CACNA1A: variants seen among roughly 807,000 people sequenced by gnomAD.
CACNA1A encodes calcium voltage-gated channel subunit alpha1 A, also known as voltage-dependent P/Q-type calcium channel subunit alpha-1A.
Under a neutral mutation model 262.4 loss-of-function variants are expected in CACNA1A, and 57 were observed. The observed-to-expected ratio is 0.22, with a 90% CI of 0.18 to 0.27. The LOEUF (loss-of-function observed/expected upper bound fraction) is 0.27, where lower values mean the gene tolerates loss of function less well. CACNA1A is among the 10% of genes least tolerant of loss of function. The probability of loss-of-function intolerance (pLI) is 1.00; values close to 1 mark genes in which losing one functional copy is unlikely to be tolerated. For synonymous variants in CACNA1A, 1,431 were observed against 1,419.3 expected (o/e 1.01, Z -0.18); for missense variants, 2,526 against 3,562.8 (o/e 0.71, Z 7.41).
chr19:13,492,270 G>C (rs1303926015), intron 1 of CACNA1A, among the ~76,000 whole-genome samples: 1 of 152,096 alleles, frequency 6.6e-6, no homozygotes, highest in East Asian at 1.9e-4. Context: ...AGAAAACAGA[G>C]GAAAGGATAT....
intron 3 of CACNA1A, among the ~76,000 whole-genome samples, chr19:13,409,168 T>C (rs2060065265): frequency 6.6e-6 from 1 of 152,148 alleles, no homozygotes; most frequent in Non-Finnish European, 1.5e-5. Flanking sequence ...CTTTGGAACT[T>C]TGCTTTCCCG....
At chr19:13,310,212 T>C (rs1386841197) in intron 12 of CACNA1A, among the ~76,000 whole-genome samples, 1 of 151,650 alleles carries the variant, frequency 6.6e-6, no homozygotes, top group Non-Finnish European at 1.5e-5. Flanking sequence ...TCCCAGCACT[T>C]TGGGAGGCCA....
At chr19:13,274,896 T>C (rs886900105) in intron 24 of CACNA1A, 2 of 151,832 alleles carry the variant, frequency 1.3e-5, no homozygotes, top group Non-Finnish European at 2.9e-5. Flanking sequence ...TCAGGGACCA[T>C]GTAAGAATGG....
chr19:13,353,729 C>T (rs1347158349), intron 6 of CACNA1A, among the ~76,000 whole-genome samples: 11 of 152,170 alleles, frequency 7.2e-5, no homozygotes, highest in Admixed American at 2.0e-4. Context: ...AATACAAAAT[C>T]TGGAAGGGAA....
chr19:13,256,363 T>C (rs554668533), intron 28 of CACNA1A: 3 of 152,120 alleles, frequency 2.0e-5, no homozygotes, highest in Non-Finnish European at 4.4e-5. Context: ...GAAGGAGGAA[T>C]AGTGGTTATT....
chr19:13,215,597 T>C (rs1180548426), intron 38 of CACNA1A, among the ~76,000 whole-genome samples: 2 of 147,864 alleles, frequency 1.4e-5, no homozygotes, highest in East Asian at 2.0e-4. Flanking sequence ...GGCGATTACA[T>C]GCGTGAGCCA....
intron 30 of CACNA1A, among the ~76,000 whole-genome samples, chr19:13,247,853 C>G (rs2056290957): frequency 6.6e-6 from 1 of 152,172 alleles, no homozygotes; most frequent in Non-Finnish European, 1.5e-5. Context: ...CAGGGTCTCT[C>G]TGTGGCTGCA....
intron 4 of CACNA1A, chr19:13,365,919 C>T (rs566873566): frequency 6.5e-6 from 1 of 153,218 alleles, no homozygotes; most frequent in East Asian, 1.9e-4. Context: ...ACTCAAACTC[C>T]TCAGCCTCCT....
intron 24 of CACNA1A, chr19:13,274,647 C>G (rs2144827464): frequency 6.6e-6 from 1 of 152,358 alleles, no homozygotes; most frequent in South Asian, 2.1e-4. Context: ...GCTATCAGGG[C>G]CCTAAGGGCT....
rs1568424111 is a variant in CACNA1A, at chr19:13,212,677, C to T, written c.6004G>A (p.Gly2002Ser). Residue 2002 changes from glycine (G) to serine (S), a missense_variant, in exon 41 of 47, where the codon GGC (glycine) becomes AGC (serine). Physicochemically the swap from Gly to Ser is moderately conservative, Grantham distance 56. This residue lies in a region of CACNA1A where 929 missense variants were observed against 868.1 expected (regional missense o/e 1.07). Transcript: ENST00000360228. This position sits in a 1 kb window ranked among gnomAD's most constrained non-coding sequence, Gnocchi z 5.6. ...PPSPTQEGGP[G>S]QNALPSTQLD... ...TGGGTGGAGGGGAGGGCGTTCTGGCCAGGTCCCCCTTCCTGCGTTGGGGAC... is the reference window on the plus strand; with the variant it reads ...TGGGTGGAGGGGAGGGCGTTCTGGCTAGGTCCCCCTTCCTGCGTTGGGGAC... The T allele has an allele frequency of 7.3e-6, 11 of 1,513,254 alleles. No individual in the cohort carries two copies. The highest frequency in any genetic ancestry group is 9.7e-6 in the Non-Finnish European group (11 of 1,131,470). The allele number at this position is 1,513,254 out of a possible 1,614,324, so 93.7% of individuals were successfully genotyped here. A position where few individuals can be genotyped will look rare whatever the true frequency, so the allele number is the denominator to read the frequency against.
Position 13,210,661 on chromosome 19 carries a change from G to A in CACNA1A, c.6304-9C>T. 6.4e-7 allele frequency: 1 copy of A among 1,561,692 alleles called. No homozygotes were observed. The highest frequency in any genetic ancestry group is 8.7e-7 in the Non-Finnish European group (1 of 1,154,054). On this transcript the variant is annotated splice_polypyrimidine_tract_variant and intron_variant, in intron 43 of 46. Coordinates refer to ENST00000360228, the MANE Select transcript of CACNA1A (RefSeq NM_001127222.2). ...GGCCGGCCCCTTCTCCTCTGTCACA[G>A]CCCCATGGGATGGTGCACACAGAAA...
intron 36 of CACNA1A, chr19:13,229,827 C>G (rs1248520426): frequency 7.8e-6 from 3 of 385,396 alleles, no homozygotes; most frequent in African/African-American, 6.1e-5. Context: ...GAGGGCTCTT[C>G]AGGACATCTC....
intron 27 of CACNA1A, 46 bp from the exon 28 acceptor site, chr19:13,257,597 G>C (rs1476332790): frequency 7.4e-7 from 1 of 1,343,848 alleles, no homozygotes; most frequent in Non-Finnish European, 1.0e-6. Flanking sequence ...GAAGGAGAGA[G>C]ACAGGGACCC....
intron 1 of CACNA1A, among the ~76,000 whole-genome samples, chr19:13,474,551 G>T (rs1039351233): frequency 1.3e-5 from 2 of 152,218 alleles, no homozygotes; most frequent in Non-Finnish European, 2.9e-5. Context: ...AGGTGTGGTG[G>T]CTTACGCCTG....
intron 38 of CACNA1A, among the ~76,000 whole-genome samples, chr19:13,218,953 C>T (rs1024853771): frequency 1.3e-5 from 2 of 151,944 alleles, no homozygotes; most frequent in Non-Finnish European, 2.9e-5. Flanking sequence ...AGGCTGGTCT[C>T]AAACTTGTGA....
Position 13,241,247 on chromosome 19 carries a change from A to G in CACNA1A, c.4950+3935T>C, listed in dbSNP as rs909907448. On this transcript the variant is annotated intron_variant, in intron 31 of 46. Coordinates refer to ENST00000360228, the MANE Select transcript of CACNA1A (RefSeq NM_001127222.2). The surrounding 1 kb of genome is among the most constrained non-coding windows in gnomAD (Gnocchi z 4.0). ...GGCAAGAGAGAGGTGCTGCGCTGGG[A>G]AAACCCATCCCTTTCTCTGCAAAAG... Among the ~76,000 whole-genome samples the G allele has an allele frequency of 6.6e-6, 1 of 152,106 alleles. No homozygotes were observed. The highest frequency in any genetic ancestry group is 1.5e-5 in the Non-Finnish European group (1 of 68,022).
Position 13,347,579 on chromosome 19 carries a change from G to C in CACNA1A, c.979-11670C>G, listed in dbSNP as rs192548207. Reference sequence around the variant, plus strand: ...CATTCACTTACGCGCTTTATCTGTCGTTACTTTCACGCTACAGGAGCAGAT... The same window carrying C: ...CATTCACTTACGCGCTTTATCTGTCCTTACTTTCACGCTACAGGAGCAGAT... On this transcript the variant is annotated intron_variant, in intron 6 of 46. Transcript: ENST00000360228. Among the ~76,000 whole-genome samples the C allele has an allele frequency of 1.8e-4, 28 of 152,224 alleles. No homozygotes were observed. The Middle Eastern group carries it at 0.01, about 55-fold the overall frequency.
Position 13,359,720 on chromosome 19 carries a change from C to T in CACNA1A, c.864G>A (p.Gln288=), listed in dbSNP as rs770448965. The change falls in exon 6 of 47, where the codon CAG becomes CAA. Residue 288 remains glutamine (Q), a synonymous_variant. Coordinates refer to ENST00000360228, the MANE Select transcript of CACNA1A (RefSeq NM_001127222.2). ...ARTCPNGTKC[Q]PYWEGPNNGI... is the part of the protein sequence containing the mutation. ...CGTTGTTGGGCCCTTCCCAGTAGGG[C>T]TGACATTTGGTCCCATTGGGGCAGG... The T allele has an allele frequency of 4.2e-5, 67 of 1,586,180 alleles. No homozygotes were observed. The highest frequency in any genetic ancestry group is 5.6e-5 in the Non-Finnish European group (65 of 1,165,992).
chr19:13,379,878 C>T (rs536424299), intron 3 of CACNA1A, among the ~76,000 whole-genome samples: 39 of 100,184 alleles, frequency 3.9e-4, no homozygotes, highest in African/African-American at 1.3e-3. Context: ...GAGCAGAGAT[C>T]GCGCCACTGC....
Sources: allele counts gnomAD v4.1 joint callset (sites outside exome capture counted in the v4.1 genomes callset), GRCh38; gene constraint gnomAD v4.1.1; regional missense constraint gnomAD v4.1.1; non-coding constraint Gnocchi (gnomAD v3.1); transcripts MANE v1.5; gene names NCBI Gene and HGNC (gene_info 2026-07-23, HGNC 2026-07-21).